PHLPP2: variants seen among roughly 807,000 people sequenced by gnomAD.
PHLPP2 encodes the protein PH domain leucine-rich repeat-containing protein phosphatase 2.
Under a neutral mutation model 124.9 loss-of-function variants are expected in PHLPP2, and 66 were observed. That is an observed-to-expected ratio of 0.53 (90% CI 0.43 to 0.65). The LOEUF is 0.65. PHLPP2 is among the 30% of genes least tolerant of loss of function. The pLI, the probability that PHLPP2 is intolerant of heterozygous loss-of-function variation, is 0.00. For synonymous variants in PHLPP2, 681 were observed against 624.7 expected (o/e 1.09, Z -1.34); for missense variants, 1,685 against 1,600.4 (o/e 1.05, Z -0.90).
intron 4 of PHLPP2, among the ~76,000 whole-genome samples, chr16:71,689,587 G>A (rs1178784985): frequency 6.6e-6 from 1 of 151,488 alleles, no homozygotes; most frequent in Non-Finnish European, 1.5e-5. Flanking sequence ...TAGTAGAGAC[G>A]GGGTTTCACT....
chr16:71,721,843 T>C (rs1268702399), intron 1 of PHLPP2, among the ~76,000 whole-genome samples: 1 of 152,130 alleles, frequency 6.6e-6, no homozygotes, highest in Non-Finnish European at 1.5e-5. Context: ...TAAATAAATC[T>C]GGGGGCACAT....
intron 1 of PHLPP2, among the ~76,000 whole-genome samples, chr16:71,719,953 A>G (rs1186323496): frequency 1.1e-5 from 1 of 89,280 alleles, no homozygotes; most frequent in Admixed American, 1.3e-4. Context: ...GCACAACACC[A>G]TGCCCAGCTA....
intron 10 of PHLPP2, among the ~76,000 whole-genome samples, chr16:71,670,075 T>C (rs2044877720): frequency 6.6e-6 from 1 of 152,084 alleles, no homozygotes; most frequent in African/African-American, 2.4e-5. Flanking sequence ...ATATGTGGGT[T>C]AGAATATGAA....
chr16:71,707,144 A>G (rs2045280999), intron 2 of PHLPP2, among the ~76,000 whole-genome samples: 1 of 151,248 alleles, frequency 6.6e-6, no homozygotes, highest in African/African-American at 2.4e-5. Flanking sequence ...TTTAGTAGAG[A>G]CGGGGTTTCA....
chr16:71,709,314 G>C (rs183841777), intron 2 of PHLPP2, among the ~76,000 whole-genome samples: 1 of 152,022 alleles, frequency 6.6e-6, no homozygotes, highest in East Asian at 1.9e-4. Context: ...TCAGAACTCA[G>C]CATCCCAAAT....
In PHLPP2 at chr16:71,658,689, G is replaced by A; in HGVS notation, c.2112C>T (p.Ser704=). ...HTLVAHSNNI[S]IFPEILQLPQ... ...GCAACTGCAGTATTTCTGGGAAAAT[G>A]CTGATGTTGTTGGAGTGTGCAACAA... is the stretch of plus-strand genomic sequence containing the variant. The change falls in exon 14 of 19, where the codon AGC becomes AGT. Residue 704 remains serine (S), a synonymous_variant. Coordinates refer to ENST00000568954, the MANE Select transcript of PHLPP2 (RefSeq NM_015020.3). The A allele has an allele frequency of 6.2e-7, 1 of 1,614,110 alleles. No homozygotes were observed.
chr16:71,649,674 T>A lies in PHLPP2; in HGVS notation c.3188A>T (p.Asp1063Val), dbSNP rs1055612670. Residue 1063 changes from aspartate to valine, a missense_variant, in exon 19 of 19, where the codon GAT becomes GTT. Transcript: ENST00000568954. ...VGFASTTTIKDAPKPATPSSS... is the reference protein window; with the variant it reads ...VGFASTTTIKVAPKPATPSSS... The stretch of plus-strand genomic sequence containing the variant: ...GGATGGAGTGGCTGGCTTAGGGGCA[T>A]CCTTGATAGTGGTGGTTGAAGCAAA... The A allele has an allele frequency of 1.2e-6, 2 of 1,614,130 alleles. No individual in the cohort carries two copies. Among genetic ancestry groups the A allele is most frequent in the Non-Finnish European group, 1.7e-6 (2 of 1,180,012 alleles).
chr16:71,677,231 T>A (rs2044954921), intron 8 of PHLPP2: 1 of 155,834 alleles, frequency 6.4e-6, no homozygotes, highest in African/African-American at 2.4e-5. Context: ...AGTTAAACAC[T>A]TATATCCAAA....
intron 6 of PHLPP2, among the ~76,000 whole-genome samples, chr16:71,680,984 G>T (rs901211730): frequency 6.6e-6 from 1 of 151,978 alleles, no homozygotes; most frequent in African/African-American, 2.4e-5. Context: ...ATTATCAGAT[G>T]AGATTAAAAA....
At chr16:71,704,105 G>A (rs987244824) in intron 2 of PHLPP2, among the ~76,000 whole-genome samples, 3 of 151,900 alleles carry the variant, frequency 2.0e-5, no homozygotes, top group East Asian at 1.9e-4. Flanking sequence ...GGCGGATCAC[G>A]AGGTCAGGAG....
intron 16 of PHLPP2, 137 bp downstream of exon 16, chr16:71,656,434 T>C: frequency 1.7e-6 from 1 of 583,264 alleles, no homozygotes; most frequent in South Asian, 2.2e-5. Context: ...CAAAGGGATC[T>C]TATCTGACGC....
Position 71,702,701 on chromosome 16 carries a change from C to A in PHLPP2, c.315G>T (p.Gln105His). Residue 105 changes from glutamine (Q) to histidine (H), a missense_variant, in exon 3 of 19, where the codon CAG becomes CAT. Gln to His is a conservative substitution (Grantham distance 24, BLOSUM62 0). Transcript: ENST00000568954. ...RRLEPTERPL[Q>H]IVYDYLSRLG... ...GCCTGGATAAGTAATCATAAACGAT[C>A]TGAAGAGGTCGTTCAGTAGGTTCCA... The A allele has an allele frequency of 6.2e-7, 1 of 1,609,614 alleles. No homozygotes were observed. Among genetic ancestry groups the A allele is most frequent in the South Asian group, 1.1e-5 (1 of 90,634 alleles).
At chr16:71,680,103 G>A (rs2044983526) in intron 6 of PHLPP2, among the ~76,000 whole-genome samples, 1 of 151,754 alleles carries the variant, frequency 6.6e-6, no homozygotes, top group African/African-American at 2.4e-5. Context: ...AAGAAAAAAG[G>A]TAGACAATCT....
chr16:71,689,128 C>A (rs1363698178), intron 4 of PHLPP2, among the ~76,000 whole-genome samples: 2 of 152,166 alleles, frequency 1.3e-5, no homozygotes, highest in African/African-American at 4.8e-5. Context: ...ACCTTTCAGA[C>A]CCAGAGCCCA....
At chr16:71,715,094 G>C in intron 1 of PHLPP2, 1 of 368,174 alleles carries the variant, frequency 2.7e-6, no homozygotes, top group South Asian at 3.3e-5. Context: ...GCTCAGGCCT[G>C]TAATCCCAGC....
chr16:71,674,537 A>C (rs914275806), intron 9 of PHLPP2, among the ~76,000 whole-genome samples: 1 of 152,178 alleles, frequency 6.6e-6, no homozygotes, highest in Non-Finnish European at 1.5e-5. Flanking sequence ...AAATTTTGAT[A>C]TAACTATCAC....
At chr16:71,683,455 C>G (rs960279600) in intron 5 of PHLPP2, among the ~76,000 whole-genome samples, 1 of 152,158 alleles carries the variant, frequency 6.6e-6, no homozygotes, top group African/African-American at 2.4e-5. Flanking sequence ...CATATGCAGA[C>G]CAAGAAGCAC....
intron 3 of PHLPP2, among the ~76,000 whole-genome samples, chr16:71,692,045 A>G (rs908494433): frequency 1.6e-4 from 25 of 152,000 alleles, no homozygotes; most frequent in Admixed American, 9.2e-4. Flanking sequence ...AGTTGGAAAG[A>G]CTGGGTTGTA....
chr16:71,709,592 G>C (rs192526097), intron 2 of PHLPP2, among the ~76,000 whole-genome samples: 2 of 152,316 alleles, frequency 1.3e-5, no homozygotes, highest in African/African-American at 4.8e-5. Flanking sequence ...TCACTAGTGA[G>C]TCATTTTTAT....
Sources: allele counts gnomAD v4.1 joint callset (sites outside exome capture counted in the v4.1 genomes callset), GRCh38; gene constraint gnomAD v4.1.1; transcripts MANE v1.5; gene names NCBI Gene and HGNC (gene_info 2026-07-23, HGNC 2026-07-21).